The following FBP1 variants were observed in gnomAD, a reference collection of about 807,000 sequenced individuals.
FBP1 encodes the protein fructose-1,6-bisphosphatase 1.
FBP1 carries 22 observed loss-of-function variants against 29.9 expected under a neutral mutation model. That is an observed-to-expected ratio of 0.74 (90% CI 0.53 to 1.05). The LOEUF (loss-of-function observed/expected upper bound fraction) is 1.05, where lower values mean the gene tolerates loss of function less well. FBP1 is among the 50% of genes least tolerant of loss of function. The pLI is 0.00. For missense variants in FBP1, 345 were observed against 448.2 expected (o/e 0.77, Z 2.08); for synonymous variants, 175 against 178.6 (o/e 0.98, Z 0.16).
intron 1 of FBP1, among the ~76,000 whole-genome samples, chr9:94,629,656 G>C (rs535818393): frequency 6.6e-5 from 10 of 152,114 alleles, no homozygotes; most frequent in South Asian, 2.1e-4. Flanking sequence ...GGGGAGGTAG[G>C]GGGGAGGGTC....
chr9:94,623,101 C>T (rs1035645660), intron 1 of FBP1, among the ~76,000 whole-genome samples: 1 of 152,160 alleles, frequency 6.6e-6, no homozygotes, highest in Non-Finnish European at 1.5e-5. Context: ...TCTCGTGCCT[C>T]ACCCTCCTGA....
intron 1 of FBP1, among the ~76,000 whole-genome samples, chr9:94,622,595 C>T (rs996956253): frequency 1.2e-4 from 18 of 152,250 alleles, no homozygotes; most frequent in Admixed American, 5.9e-4. Context: ...TTCTCGGGCC[C>T]GCCTGTCAGC....
intron 6 of FBP1, among the ~76,000 whole-genome samples, chr9:94,605,062 T>C (rs1827676845): frequency 6.6e-6 from 1 of 152,198 alleles, no homozygotes; most frequent in Non-Finnish European, 1.5e-5. Context: ...GTTTTACACC[T>C]TTTGAAAGCA....
chr9:94,637,231 C>T (rs1386279603), intron 1 of FBP1, among the ~76,000 whole-genome samples: 1 of 152,072 alleles, frequency 6.6e-6, no homozygotes, highest in African/African-American at 2.4e-5. Context: ...ACATGAATTA[C>T]CTCCACCAGT....
chr9:94,639,514 G>A lies in FBP1; in HGVS notation c.-204C>T. On this transcript the variant is annotated 5_prime_UTR_variant, in exon 1 of 7. Coordinates refer to ENST00000375326, the MANE Select transcript of FBP1 (RefSeq NM_000507.4). ...TCCGCAGCGCTCGTGGTGCAACTGG[G>A]CCAGGCCAGGCGCCGGCGGGTGAAT... 1 of 636,602 alleles carries A rather than the reference G, an allele frequency of 1.6e-6. No individual in the cohort carries two copies. Among genetic ancestry groups the A allele is most frequent in the Non-Finnish European group, 2.8e-6 (1 of 363,436 alleles). The allele number at this position is 636,602 out of a possible 1,614,324, so 39.4% of individuals were successfully genotyped here. A position where few individuals can be genotyped will look rare whatever the true frequency, so the allele number is the denominator to read the frequency against.
intron 1 of FBP1, among the ~76,000 whole-genome samples, chr9:94,622,466 C>T (rs1275137825): frequency 6.6e-6 from 1 of 152,258 alleles, no homozygotes; most frequent in Non-Finnish European, 1.5e-5. Context: ...CCTGCAAGTG[C>T]ATTTGCCCAA....
chr9:94,617,101 A>T (rs1369036370), intron 3 of FBP1, among the ~76,000 whole-genome samples: 1 of 152,130 alleles, frequency 6.6e-6, no homozygotes, highest in African/African-American at 2.4e-5. Flanking sequence ...CAGATAGTAA[A>T]TTTTTCAGTT....
intron 2 of FBP1, among the ~76,000 whole-genome samples, chr9:94,619,844 A>G (rs1165239761): frequency 6.8e-6 from 1 of 146,404 alleles, no homozygotes; most frequent in Non-Finnish European, 1.5e-5. Flanking sequence ...ACTGTACACC[A>G]GACTGGGCAA....
chr9:94,635,763 T>C (rs2131505285), intron 1 of FBP1, among the ~76,000 whole-genome samples: 1 of 152,290 alleles, frequency 6.6e-6, no homozygotes, highest in East Asian at 1.9e-4. Flanking sequence ...TACAGCACTG[T>C]AATACCCAAA....
At chr9:94,619,749 C>T (rs945155933) in intron 2 of FBP1, among the ~76,000 whole-genome samples, 3 of 151,906 alleles carry the variant, frequency 2.0e-5, no homozygotes, top group Non-Finnish European at 2.9e-5. Context: ...TGGCGGGAAC[C>T]TGTAATCCCA....
chr9:94,609,865 C>A, intron 4 of FBP1, 56 bp downstream of exon 4: 1 of 1,593,326 alleles, frequency 6.3e-7, no homozygotes, highest in South Asian at 1.1e-5. Context: ...CCACACATAT[C>A]ATTCATTTGC....
chr9:94,634,597 C>A (rs900152544), intron 1 of FBP1, among the ~76,000 whole-genome samples: 1 of 152,174 alleles, frequency 6.6e-6, no homozygotes, highest in Non-Finnish European at 1.5e-5. Flanking sequence ...GACATTTGAA[C>A]CACAACTTCA....
intron 1 of FBP1, among the ~76,000 whole-genome samples, chr9:94,627,698 C>G (rs1036042445): frequency 6.6e-6 from 1 of 152,180 alleles, no homozygotes. Context: ...CCGTGGGACT[C>G]GACTGGAGCC....
intron 4 of FBP1, 93 bp downstream of exon 4, chr9:94,609,828 C>T: frequency 1.4e-6 from 2 of 1,415,824 alleles, no homozygotes; most frequent in Non-Finnish European, 1.0e-6. Flanking sequence ...GCATCACCTC[C>T]CACCTCCACA....
intron 1 of FBP1, among the ~76,000 whole-genome samples, chr9:94,623,743 C>T (rs1345597422): frequency 3.3e-5 from 5 of 152,226 alleles, no homozygotes; most frequent in Admixed American, 2.0e-4. Context: ...CAAATATTCA[C>T]CAGGGACCTG....
At chr9:94,639,879 G>A (rs1334932320), upstream of FBP1, among the ~76,000 whole-genome samples, 1 of 152,106 alleles carries the variant, frequency 6.6e-6, no homozygotes, top group East Asian at 1.9e-4. Flanking sequence ...CCACCAGCTA[G>A]GCAGCGAAAC....
intron 4 of FBP1, among the ~76,000 whole-genome samples, chr9:94,608,402 T>C (rs926174910): frequency 2.0e-5 from 3 of 152,172 alleles, no homozygotes; most frequent in Non-Finnish European, 2.9e-5. Flanking sequence ...GAAGCTTCCC[T>C]ACAGGGATGC....
intron 1 of FBP1, among the ~76,000 whole-genome samples, chr9:94,633,622 C>T (rs1397134299): frequency 6.6e-6 from 1 of 152,192 alleles, no homozygotes; most frequent in Non-Finnish European, 1.5e-5. Context: ...AGCCGCCGGG[C>T]CTTTTGCTTC....
upstream of FBP1, among the ~76,000 whole-genome samples, chr9:94,639,764 T>C (rs1431721310): frequency 1.3e-5 from 2 of 150,078 alleles, no homozygotes; most frequent in Admixed American, 1.3e-4. Context: ...ACCCGCACTG[T>C]GGAGCGGGAC....
Sources: gnomAD v4.1 joint callset for allele counts (sites outside exome capture counted in the v4.1 genomes callset) on GRCh38, gnomAD v4.1.1 for gene constraint, MANE v1.5 for transcripts, NCBI Gene and HGNC (gene_info 2026-07-23, HGNC 2026-07-21) for gene names.